The following SGCZ variants were observed in gnomAD, a reference collection of about 807,000 sequenced individuals.
SGCZ encodes sarcoglycan zeta.
SGCZ carries 40 observed loss-of-function variants against 41.3 expected under a neutral mutation model. That is an observed-to-expected ratio of 0.97 (90% CI 0.75 to 1.26). The LOEUF is 1.26. Ranked by LOEUF, SGCZ falls within the 50% of genes most tolerant of loss-of-function variation. The probability of loss-of-function intolerance (pLI) is 0.00; values close to 1 mark genes in which losing one functional copy is unlikely to be tolerated. For synonymous variants in SGCZ, 206 were observed against 137.5 expected (o/e 1.50, Z -3.49); for missense variants, 552 against 369.8 (o/e 1.49, Z -4.04).
chr8:14,925,004 C>T (rs574981046), intron 1 of SGCZ, among the ~76,000 whole-genome samples: 4 of 151,924 alleles, frequency 2.6e-5, no homozygotes, highest in South Asian at 2.1e-4. Flanking sequence ...ATTACAGGTG[C>T]GGGCCTCAAT....
intron 1 of SGCZ, among the ~76,000 whole-genome samples, chr8:14,759,593 C>A (rs1429825427): frequency 1.3e-5 from 2 of 152,112 alleles, no homozygotes; most frequent in Non-Finnish European, 2.9e-5. Flanking sequence ...TATTAAGATT[C>A]ATAGAGAGTC....
chr8:14,090,335 G>A lies in SGCZ; in HGVS notation c.*108C>T. Reference sequence around the variant, plus strand: ...CTGCTCACACTGGAAGTTGCTCTGTGGACCATTCGAAGAAGCTCTGGACTG... The same window carrying A: ...CTGCTCACACTGGAAGTTGCTCTGTAGACCATTCGAAGAAGCTCTGGACTG... On this transcript the variant is annotated 3_prime_UTR_variant, in exon 8 of 8. Coordinates refer to ENST00000382080, the MANE Select transcript of SGCZ (RefSeq NM_139167.4). 1 of 1,183,340 alleles carries A rather than the reference G, an allele frequency of 8.5e-7. No individual in the cohort carries two copies. Among genetic ancestry groups the A allele is most frequent in the Middle Eastern group, 2.9e-4 (1 of 3,506 alleles). 73.3% of individuals were successfully genotyped at this position (1,183,340 alleles called of 1,614,324 possible).
At chr8:15,236,586 C>T (rs1802129814) in intron 1 of SGCZ, among the ~76,000 whole-genome samples, 1 of 152,106 alleles carries the variant, frequency 6.6e-6, no homozygotes, top group South Asian at 2.1e-4. Flanking sequence ...CCCTTTCCCG[C>T]TTTTTCGTTT....
At chr8:15,111,214 A>C (rs1260554742) in intron 1 of SGCZ, among the ~76,000 whole-genome samples, 1 of 152,140 alleles carries the variant, frequency 6.6e-6, no homozygotes, top group Non-Finnish European at 1.5e-5. Flanking sequence ...AGGTAACCCA[A>C]GGCCAATTCG....
rs147444640 is a variant in SGCZ at position 14,377,157 on chromosome 8, C to G, written c.235-52953G>C. Among the ~76,000 whole-genome samples, 778 of 152,294 alleles carry G rather than the reference C, an allele frequency of 5.1e-3. 22 individuals are homozygous for G. Among genetic ancestry groups the G allele is most frequent in the Admixed American group, 0.042 (647 of 15,296 alleles). ...AGTTGGAACTTTCTGCCATACTCCC[C>G]AACCTCCAGGGAGAAGAGAGGGACT... On this transcript the variant is annotated intron_variant, in intron 2 of 7. Coordinates refer to ENST00000382080, the MANE Select transcript of SGCZ (RefSeq NM_139167.4).
Position 14,326,498 on chromosome 8 carries a change from G to T in SGCZ, c.235-2294C>A, listed in dbSNP as rs1047104040. ...AGGATAATGACCACAGAGTAAGAGG[G>T]ACATTTGGAGGTGACGAGGTCTGGA... On this transcript the variant is annotated intron_variant, in intron 2 of 7. Coordinates refer to ENST00000382080, the MANE Select transcript of SGCZ (RefSeq NM_139167.4). Among the ~76,000 whole-genome samples the T allele has an allele frequency of 4.4e-4, 67 of 152,118 alleles. 1 individual carries two copies. Among genetic ancestry groups the T allele is most frequent in the Non-Finnish European group, 2.2e-4 (15 of 68,024 alleles).
intron 1 of SGCZ, among the ~76,000 whole-genome samples, chr8:14,886,715 G>C (rs181247695): frequency 6.6e-6 from 1 of 152,234 alleles, no homozygotes; most frequent in Admixed American, 6.5e-5. Context: ...CACTGCAATG[G>C]CTTGGCTTGT....
At chr8:14,278,872 A>G (rs1377030951) in intron 3 of SGCZ, among the ~76,000 whole-genome samples, 1 of 152,168 alleles carries the variant, frequency 6.6e-6, no homozygotes, top group Middle Eastern at 3.2e-3. Context: ...AAATATGTTT[A>G]ATAATCTACA....
chr8:14,715,760 T>G (rs1035619269), intron 1 of SGCZ, among the ~76,000 whole-genome samples: 2 of 152,140 alleles, frequency 1.3e-5, no homozygotes, highest in Admixed American at 1.3e-4. Context: ...GAAGTAAATA[T>G]AAATCCATCC....
At chr8:14,729,187 G>C (rs963008879) in intron 1 of SGCZ, among the ~76,000 whole-genome samples, 2 of 152,064 alleles carry the variant, frequency 1.3e-5, no homozygotes, top group African/African-American at 4.8e-5. Flanking sequence ...TTTCTTCCAA[G>C]GTGTTATTTC....
chr8:14,765,450 C>G (rs1298632476), intron 1 of SGCZ, among the ~76,000 whole-genome samples: 1 of 152,084 alleles, frequency 6.6e-6, no homozygotes, highest in Non-Finnish European at 1.5e-5. Flanking sequence ...AACTGGAGGC[C>G]TGAAACATAA....
At chr8:14,559,417 C>G (rs960861344) in intron 1 of SGCZ, among the ~76,000 whole-genome samples, 1 of 152,036 alleles carries the variant, frequency 6.6e-6, no homozygotes, top group Non-Finnish European at 1.5e-5. Context: ...TAGAAATATA[C>G]CTAACCAATG....
intron 1 of SGCZ, among the ~76,000 whole-genome samples, chr8:14,847,106 G>A (rs1273974627): frequency 7.7e-6 from 1 of 130,472 alleles, no homozygotes; most frequent in African/African-American, 2.9e-5. Flanking sequence ...AAAGAAGAAA[G>A]AAGAAAGAAG....
intron 5 of SGCZ, among the ~76,000 whole-genome samples, chr8:14,133,559 T>TAA (rs1307560470): frequency 1.3e-5 from 2 of 152,188 alleles, no homozygotes; most frequent in African/African-American, 4.8e-5. Flanking sequence ...CTAAGAACAC[T>TAA]AATTGTTGGT....
rs368821912 is a variant in SGCZ, at chr8:14,221,560, C to T, written c.424+16032G>A. 1.7e-3 allele frequency among the ~76,000 whole-genome samples: 252 copies of T among 152,318 alleles called. 1 individual carries two copies. The highest frequency in any genetic ancestry group is 7.5e-3 in the South Asian group (36 of 4,826). On this transcript the variant is annotated intron_variant, in intron 4 of 7. Transcript: ENST00000382080. ...CAGTTTCGACATAACAGGCATCCTGCTTTATATACATGGATTGTTTGAATT... is the reference window on the plus strand; with the variant it reads ...CAGTTTCGACATAACAGGCATCCTGTTTTATATACATGGATTGTTTGAATT...
chr8:14,736,100 TA>T (rs1799020659), intron 1 of SGCZ, among the ~76,000 whole-genome samples: 1 of 152,170 alleles, frequency 6.6e-6, no homozygotes, highest in South Asian at 2.1e-4. Context: ...TAGACTATCA[TA>T]CTTGGTGCTT....
At chr8:14,861,220 A>T (rs773626103) in intron 1 of SGCZ, among the ~76,000 whole-genome samples, 2 of 152,228 alleles carry the variant, frequency 1.3e-5, no homozygotes, top group African/African-American at 4.8e-5. Context: ...TGTCACATCC[A>T]TTCTTACACA....
chr8:14,591,313 A>C (rs1453771303), intron 1 of SGCZ, among the ~76,000 whole-genome samples: 1 of 151,978 alleles, frequency 6.6e-6, no homozygotes, highest in Admixed American at 6.6e-5. Flanking sequence ...GTTTTACTGA[A>C]ATTCCTAACT....
intron 2 of SGCZ, among the ~76,000 whole-genome samples, chr8:14,341,173 T>A (rs1241185340): frequency 6.6e-6 from 1 of 152,236 alleles, no homozygotes; most frequent in African/African-American, 2.4e-5. Context: ...TATTTGTTTA[T>A]CTGTCAATGA....
Sources: gnomAD v4.1 joint callset for allele counts (sites outside exome capture counted in the v4.1 genomes callset) on GRCh38, gnomAD v4.1.1 for gene constraint, MANE v1.5 for transcripts, NCBI Gene and HGNC (gene_info 2026-07-23, HGNC 2026-07-21) for gene names.